Variants in LRRC4C observed in about 807,000 individuals in gnomAD.
LRRC4C encodes the protein leucine rich repeat containing 4C, also known as leucine-rich repeat-containing protein 4C.
In LRRC4C, 5 loss-of-function variants were observed where a neutral mutation model predicts 33.6. That is an observed-to-expected ratio of 0.15 (90% confidence interval 0.08 to 0.31). The LOEUF is 0.31. LRRC4C is among the 10% of genes least tolerant of loss of function. The pLI is 1.00. For missense variants in LRRC4C, 560 were observed against 796.7 expected (o/e 0.70, Z 3.58); for synonymous variants, 329 against 302.0 (o/e 1.09, Z -0.93).
chr11:40,360,715 T>C (rs557758801), intron 3 of LRRC4C, among the ~76,000 whole-genome samples: 1 of 151,986 alleles, frequency 6.6e-6, no homozygotes, highest in Non-Finnish European at 1.5e-5. Context: ...TTCCAGAAAA[T>C]TGAAAAGGAG....
intron 1 of LRRC4C, among the ~76,000 whole-genome samples, chr11:41,233,954 C>A (rs1947911628): frequency 6.6e-6 from 1 of 150,962 alleles, no homozygotes. Context: ...GGGATCATAG[C>A]CTTCTCCAAA....
At chr11:40,403,442 G>A (rs987257509) in intron 3 of LRRC4C, among the ~76,000 whole-genome samples, 2 of 152,090 alleles carry the variant, frequency 1.3e-5, no homozygotes, top group East Asian at 3.9e-4. Flanking sequence ...TTTCAAAGCT[G>A]TCATTTATAT....
intron 2 of LRRC4C, among the ~76,000 whole-genome samples, chr11:40,693,595 A>T (rs1278009823): frequency 6.6e-6 from 1 of 152,120 alleles, no homozygotes; most frequent in African/African-American, 2.4e-5. Context: ...AAATACATTT[A>T]TGAAGTTACT....
At chr11:40,743,497 T>C (rs1408107727) in intron 2 of LRRC4C, among the ~76,000 whole-genome samples, 1 of 152,066 alleles carries the variant, frequency 6.6e-6, no homozygotes, top group Non-Finnish European at 1.5e-5. Flanking sequence ...TCCTTGCCTA[T>C]TCCAGCTTAT....
chr11:40,234,966 A>G (rs1865457161), intron 5 of LRRC4C, among the ~76,000 whole-genome samples: 1 of 152,214 alleles, frequency 6.6e-6, no homozygotes, highest in Non-Finnish European at 1.5e-5. Context: ...ACTAAGTAGC[A>G]GATTTTTTCT....
chr11:40,986,327 G>GTGGC (rs1240553823), intron 1 of LRRC4C, among the ~76,000 whole-genome samples: 17 of 152,122 alleles, frequency 1.1e-4, no homozygotes, highest in Admixed American at 1.1e-3. Context: ...GGTCTGTGTA[G>GTGGC]TGGCTCACAC....
At position 40,704,365 on chromosome 11, in the gene LRRC4C, A is replaced by T. The variant is rs539263407; in HGVS notation, c.-406-56087T>A. On this transcript the variant is annotated intron_variant, in intron 2 of 6. Coordinates refer to ENST00000528697, the MANE Select transcript of LRRC4C (RefSeq NM_001258419.2). ...TCAATGAGAGACCTGCAAAACAAAA[A>T]TTTACAAAGAAATGGAGAAAGACAT... Among the ~76,000 whole-genome samples, 11 of 152,238 alleles carry T rather than the reference A, an allele frequency of 7.2e-5. No homozygotes were observed. The South Asian group carries it at 2.1e-3, about 29-fold the overall frequency.
At chr11:41,177,280 C>T (rs1945246873) in intron 1 of LRRC4C, among the ~76,000 whole-genome samples, 1 of 152,106 alleles carries the variant, frequency 6.6e-6, no homozygotes. Flanking sequence ...TAGAAAAGTG[C>T]AAATGGTAAT....
chr11:40,801,701 C>A (rs1209166755), intron 2 of LRRC4C, among the ~76,000 whole-genome samples: 1 of 152,052 alleles, frequency 6.6e-6, no homozygotes, highest in Non-Finnish European at 1.5e-5. Context: ...GGTATTATTT[C>A]AAAATCTATG....
chr11:41,402,786 A>T (rs1451751662), intron 1 of LRRC4C, among the ~76,000 whole-genome samples: 2 of 152,076 alleles, frequency 1.3e-5, no homozygotes, highest in Admixed American at 1.3e-4. Context: ...CTGATAGTTC[A>T]TTGGTCAGGT....
At chr11:40,654,313 G>A (rs1273673137) in intron 2 of LRRC4C, among the ~76,000 whole-genome samples, 4 of 152,148 alleles carry the variant, frequency 2.6e-5, no homozygotes, top group African/African-American at 9.7e-5. Context: ...CTCAATCCTA[G>A]CCCATGAAAG....
intron 4 of LRRC4C, among the ~76,000 whole-genome samples, chr11:40,249,038 T>G (rs1866561388): frequency 6.6e-6 from 1 of 151,960 alleles, no homozygotes; most frequent in Non-Finnish European, 1.5e-5. Flanking sequence ...AGCAAGCAAT[T>G]ATAATCTCTT....
intron 3 of LRRC4C, among the ~76,000 whole-genome samples, chr11:40,591,174 C>T (rs983888832): frequency 1.1e-4 from 17 of 152,304 alleles, no homozygotes; most frequent in African/African-American, 3.8e-4. Context: ...CGGATATAAT[C>T]TCTTGGTGTG....
intron 1 of LRRC4C, among the ~76,000 whole-genome samples, chr11:41,303,984 C>T (rs1268370088): frequency 2.3e-4 from 18 of 78,020 alleles, no homozygotes; most frequent in East Asian, 7.2e-4. Flanking sequence ...CCACCCCGTC[C>T]GGGAGGGAGG....
chr11:41,216,280 C>A (rs766155827), intron 1 of LRRC4C, among the ~76,000 whole-genome samples: 1 of 151,356 alleles, frequency 6.6e-6, no homozygotes. Context: ...CACAATAGAG[C>A]GGTGAGTGGA....
intron 3 of LRRC4C, among the ~76,000 whole-genome samples, chr11:40,355,953 T>TGTATAGTATAGTATAGTATA (rs750933194): frequency 0.078 from 9,486 of 121,496 alleles, 386 homozygotes; most frequent in South Asian, 0.11. Flanking sequence ...AGTATAGTAT[T>TGTATAGTATAGTATAGTATA]GTATAGTATA....
intron 3 of LRRC4C, among the ~76,000 whole-genome samples, chr11:40,507,730 T>C (rs1357563709): frequency 1.4e-5 from 2 of 144,662 alleles, no homozygotes; most frequent in African/African-American, 2.5e-5. Context: ...TATAAGGCAC[T>C]AGATTTAATT....
chr11:41,135,259 G>A (rs754286073), intron 1 of LRRC4C, among the ~76,000 whole-genome samples: 1 of 152,054 alleles, frequency 6.6e-6, no homozygotes, highest in Non-Finnish European at 1.5e-5. Context: ...AGACAAGCTT[G>A]TCTTTCAGGC....
intron 2 of LRRC4C, among the ~76,000 whole-genome samples, chr11:40,814,470 C>T (rs1951625170): frequency 6.6e-6 from 1 of 152,040 alleles, no homozygotes; most frequent in Admixed American, 6.6e-5. Flanking sequence ...TGCCTCCATG[C>T]CTGTGATGGG....
Sources: gnomAD v4.1 joint callset for allele counts (sites outside exome capture counted in the v4.1 genomes callset) on GRCh38, gnomAD v4.1.1 for gene constraint, MANE v1.5 for transcripts, NCBI Gene and HGNC (gene_info 2026-07-23, HGNC 2026-07-21) for gene names.